Variants in CDH4 observed in about 807,000 individuals in gnomAD.
CDH4 encodes the protein cadherin-4.
A neutral mutation model predicts 86.0 loss-of-function variants in CDH4; 33 were observed. The ratio of observed to expected loss-of-function variants is 0.38; its 90% CI spans 0.29 to 0.51. The LOEUF is 0.51. Ranked by LOEUF, CDH4 falls within the 20% of genes least tolerant of loss-of-function variation. CDH4 has a pLI of 0.86. For synonymous variants in CDH4, 555 were observed against 549.4 expected (o/e 1.01, Z -0.14); for missense variants, 1,114 against 1,307.4 (o/e 0.85, Z 2.28).
intron 2 of CDH4, among the ~76,000 whole-genome samples, chr20:61,412,499 C>T (rs2085124777): frequency 6.6e-6 from 1 of 152,188 alleles, no homozygotes; most frequent in African/African-American, 2.4e-5. Context: ...ATTCAAGGTC[C>T]CTCCTGGTTT....
chr20:61,785,647 G>T (rs563701573), intron 4 of CDH4, among the ~76,000 whole-genome samples: 1 of 152,102 alleles, frequency 6.6e-6, no homozygotes, highest in South Asian at 2.1e-4. Flanking sequence ...CCCCCACCCA[G>T]GTGTGTAGAG....
chr20:61,389,177 T>C (rs774142055), intron 2 of CDH4, among the ~76,000 whole-genome samples: 6 of 152,062 alleles, frequency 3.9e-5, no homozygotes, highest in Non-Finnish European at 8.8e-5. Flanking sequence ...GCCATGGCTG[T>C]GCACCTGTGT....
At chr20:61,750,813 T>C (rs982961699) in intron 3 of CDH4, among the ~76,000 whole-genome samples, 2 of 152,264 alleles carry the variant, frequency 1.3e-5, no homozygotes, top group South Asian at 4.1e-4. Context: ...GATGTAATAG[T>C]TGTACTTCTA....
In CDH4 at chr20:61,681,487, G is replaced by A. The variant is rs763433416; in HGVS notation, c.170-62076G>A. On this transcript the variant is annotated intron_variant, in intron 2 of 15. Transcript: ENST00000614565. This position sits in a 1 kb window ranked among gnomAD's most constrained non-coding sequence, Gnocchi z 4.5. ...CTTCTGAGCTCTTGTTCTGAGGGGT[G>A]GGAGAATTAGACAATCCTTGGAACT... Among the ~76,000 whole-genome samples the A allele has an allele frequency of 1.3e-5, 2 of 152,144 alleles. No individual in the cohort carries two copies. The highest frequency in any genetic ancestry group is 4.8e-5 in the African/African-American group (2 of 41,416).
chr20:61,319,165 T>C (rs573699211), intron 2 of CDH4, among the ~76,000 whole-genome samples: 9 of 151,378 alleles, frequency 5.9e-5, no homozygotes, highest in Non-Finnish European at 1.2e-4. Context: ...ATATAACATA[T>C]AAAAATATAA....
At chr20:61,571,768 C>A (rs2086343448) in intron 2 of CDH4, among the ~76,000 whole-genome samples, 1 of 148,496 alleles carries the variant, frequency 6.7e-6, no homozygotes, top group Admixed American at 6.7e-5. Context: ...CCTTCCCACC[C>A]TTCCCCACCC....
At chr20:61,656,269 G>GTGCTGGGGTGGGCAGGCGCA (rs2087187518) in intron 2 of CDH4, among the ~76,000 whole-genome samples, 1 of 133,584 alleles carries the variant, frequency 7.5e-6, no homozygotes, top group Non-Finnish European at 1.6e-5. Context: ...GGGCAGGCGC[G>GTGCTGGGGTGGGCAGGCGCA]TGCTGGGGTG....
At chr20:61,583,692 C>T (rs959253620) in intron 2 of CDH4, among the ~76,000 whole-genome samples, 2 of 152,218 alleles carry the variant, frequency 1.3e-5, no homozygotes, top group Non-Finnish European at 2.9e-5. Context: ...GTTCCCTCCT[C>T]GTTTAACATG....
At position 61,772,929 on chromosome 20, in the gene CDH4, T is replaced by A. The variant is rs956352435; in HGVS notation, c.397-74T>A. The A allele has an allele frequency of 2.0e-5, 28 of 1,368,206 alleles. No individual in the cohort carries two copies. In the Admixed American group the frequency reaches 4.1e-4, roughly 20 times the overall value. 84.8% of individuals were successfully genotyped at this position (1,368,206 alleles called of 1,614,324 possible). A position where few individuals can be genotyped will look rare whatever the true frequency, so the allele number is the denominator to read the frequency against. On this transcript the variant is annotated intron_variant, in intron 3 of 15. Coordinates refer to ENST00000614565, the MANE Select transcript of CDH4 (RefSeq NM_001794.5). ...CAGTCTCGGGCAGTACAGATCATCT[T>A]AGCAGATGCCATTTTCCTCTGTGCA...
At chr20:61,402,830 A>G (rs534417692) in intron 2 of CDH4, among the ~76,000 whole-genome samples, 59 of 152,392 alleles carry the variant, frequency 3.9e-4, no homozygotes, top group African/African-American at 1.4e-3. Flanking sequence ...ATGAAGAAAC[A>G]GAATGGTTAA....
intron 2 of CDH4, among the ~76,000 whole-genome samples, chr20:61,538,952 A>C (rs1364297256): frequency 6.6e-6 from 1 of 152,200 alleles, no homozygotes; most frequent in Non-Finnish European, 1.5e-5. Context: ...TGCCAGGTAC[A>C]GGAGGTGGCT....
chr20:61,749,607 T>A (rs2145952103), intron 3 of CDH4, among the ~76,000 whole-genome samples: 1 of 151,996 alleles, frequency 6.6e-6, no homozygotes, highest in East Asian at 1.9e-4. Context: ...GATTTAGAAG[T>A]TAAGTAAAAG....
At chr20:61,419,204 C>G (rs1369116402) in intron 2 of CDH4, among the ~76,000 whole-genome samples, 2 of 152,142 alleles carry the variant, frequency 1.3e-5, no homozygotes, top group Non-Finnish European at 2.9e-5. Flanking sequence ...AGCCCGAGAT[C>G]ACTCGTTCCC....
chr20:61,358,049 C>T (rs1379741712), intron 2 of CDH4, among the ~76,000 whole-genome samples: 7 of 152,252 alleles, frequency 4.6e-5, no homozygotes, highest in African/African-American at 7.2e-5. Context: ...TGCAGTAGTG[C>T]GCTCCTTCCC....
intron 2 of CDH4, among the ~76,000 whole-genome samples, chr20:61,322,895 CT>C: frequency 6.6e-6 from 1 of 152,284 alleles, no homozygotes; most frequent in East Asian, 1.9e-4. Context: ...ACAACAGGCT[CT>C]ATCCCTGGTG....
At chr20:61,345,909 A>G (rs1371633586) in intron 2 of CDH4, among the ~76,000 whole-genome samples, 1 of 152,178 alleles carries the variant, frequency 6.6e-6, no homozygotes, top group Non-Finnish European at 1.5e-5. Flanking sequence ...TGCGTCTTCT[A>G]TTCGATCAAT....
chr20:61,929,920 G>C, intron 13 of CDH4, 78 bp downstream of exon 13: 1 of 1,216,026 alleles, frequency 8.2e-7, no homozygotes, highest in African/African-American at 1.5e-5. Context: ...TGGGCAGAGG[G>C]GGGCCTGGAT....
At chr20:61,537,980 A>G (rs2086010507) in intron 2 of CDH4, among the ~76,000 whole-genome samples, 1 of 152,186 alleles carries the variant, frequency 6.6e-6, no homozygotes, top group Non-Finnish European at 1.5e-5. Flanking sequence ...ACCCGGCCAC[A>G]TTGCTATGAA....
chr20:61,360,444 C>G (rs2084777490), intron 2 of CDH4, among the ~76,000 whole-genome samples: 1 of 152,200 alleles, frequency 6.6e-6, no homozygotes, highest in Admixed American at 6.5e-5. Flanking sequence ...TTCCATCAGC[C>G]ATGCATTCCT....
Sources: allele counts gnomAD v4.1 joint callset (sites outside exome capture counted in the v4.1 genomes callset), GRCh38; gene constraint gnomAD v4.1.1; non-coding constraint Gnocchi (gnomAD v3.1); transcripts MANE v1.5; gene names NCBI Gene and HGNC (gene_info 2026-07-23, HGNC 2026-07-21).